ZNF140: variants seen among roughly 807,000 people sequenced by gnomAD.
The protein encoded by ZNF140 is zinc finger protein 140, also known as zinc finger protein 140 (clone pHZ-39).
Under a neutral mutation model 12.9 loss-of-function variants are expected in ZNF140, and 13 were observed. That is an observed-to-expected ratio of 1.01 (90% CI 0.66 to 1.60). The LOEUF is 1.60. Among genes scored for constraint, ZNF140 ranks in the 40% most tolerant of loss-of-function variants. ZNF140 has a pLI of 0.00. For missense variants in ZNF140, 531 were observed against 548.8 expected, an observed-to-expected ratio of 0.97 and a Z score of 0.32; for synonymous variants, 214 against 186.7, an observed-to-expected ratio of 1.15 and a Z score of -1.19.
rs762451010 is a variant in ZNF140, at chr12:133,106,702, G to A, written c.*51G>A. 21 of 1,452,150 alleles carry A rather than the reference G, an allele frequency of 1.4e-5. No individual in the cohort carries two copies. In the Admixed American group the frequency reaches 4.3e-4, roughly 30 times the overall value. 90.0% of individuals were successfully genotyped at this position (1,452,150 alleles called of 1,614,324 possible). A position where few individuals can be genotyped will look rare whatever the true frequency, so the allele number is the denominator to read the frequency against. ...AATGTATGGAATTTTTTAAAAAGAA[G>A]TATAATGCCTTACTTCAGAGAACTC... On this transcript the variant is annotated 3_prime_UTR_variant, in exon 5 of 5. Transcript: ENST00000355557.
At chr12:133,091,272 A>G (rs1050995534) in intron 4 of ZNF140, among the ~76,000 whole-genome samples, 42 of 150,760 alleles carry the variant, frequency 2.8e-4, no homozygotes, top group Admixed American at 1.4e-3. Flanking sequence ...GAGACTAGAG[A>G]ATGGCGATGA....
rs201164780 is a variant in ZNF140 at position 133,089,853 on chromosome 12, C to CTT, written c.232+6305_232+6306dup. 6.8e-4 allele frequency among the ~76,000 whole-genome samples: 94 copies of CTT among 138,532 alleles called. No homozygotes were observed. The Middle Eastern group carries it at 0.011, about 17-fold the overall frequency. The allele number at this position is 138,532 out of a possible 152,430, so 90.9% of individuals were successfully genotyped here. A position where few individuals can be genotyped will look rare whatever the true frequency, so the allele number is the denominator to read the frequency against. ...ATTGTAAATTTCATCAATATTTGTGCTTTTTTTTTTTTTTGAGACAGAGTT... is the reference window on the plus strand; with the variant it reads ...ATTGTAAATTTCATCAATATTTGTGCTTTTTTTTTTTTTTTTGAGACAGAGTT... On this transcript the variant is annotated intron_variant, in intron 4 of 4. Transcript: ENST00000355557.
intron 4 of ZNF140, among the ~76,000 whole-genome samples, chr12:133,097,850 T>TGTGTGTGTGTGTGTGTGTGTGTGC (rs1491441408): frequency 6.7e-6 from 1 of 150,268 alleles, no homozygotes; most frequent in Non-Finnish European, 1.5e-5. Flanking sequence ...TGTGTGTGTG[T>TGTGTGTGTGTGTGTGTGTGTGTGC]TTTTGAGATG....
At chr12:133,090,984 C>G (rs1954852270) in intron 4 of ZNF140, among the ~76,000 whole-genome samples, 1 of 148,648 alleles carries the variant, frequency 6.7e-6, no homozygotes, top group Non-Finnish European at 1.5e-5. Flanking sequence ...CAGAATTGAA[C>G]AAATGTACAA....
chr12:133,095,153 T>C lies in ZNF140; in HGVS notation c.233-10357T>C, dbSNP rs200492229. Among the ~76,000 whole-genome samples, 92 of 151,350 alleles carry C rather than the reference T, an allele frequency of 6.1e-4. 5 individuals carry two copies. Among genetic ancestry groups the C allele is most frequent in the African/African-American group, 2.0e-3 (83 of 40,930 alleles). ...GTTGCTTGTTTTAATTCTTTGCCAA[T>C]TTTTTCCCAATCTTTTAAATCTAAA... is the stretch of plus-strand genomic sequence containing the variant. On this transcript the variant is annotated intron_variant, in intron 4 of 4. Transcript: ENST00000355557.
intron 4 of ZNF140, among the ~76,000 whole-genome samples, chr12:133,089,727 G>GACATCTTT (rs1460644320): frequency 3.0e-4 from 45 of 152,092 alleles, no homozygotes; most frequent in African/African-American, 9.2e-4. Context: ...AATAATGTAT[G>GACATCTTT]ACATCTTTTT....
chr12:133,104,143 T>C (rs1319668780), intron 4 of ZNF140, among the ~76,000 whole-genome samples: 1 of 152,194 alleles, frequency 6.6e-6, no homozygotes, highest in African/African-American at 2.4e-5. Flanking sequence ...CAAATGCGTT[T>C]TTAGATGTTA....
At chr12:133,093,524 A>G (rs1424294820) in intron 4 of ZNF140, 1 of 695,906 alleles carries the variant, frequency 1.4e-6, no homozygotes, top group Admixed American at 2.0e-5. Flanking sequence ...CCAAACTGGA[A>G]GCTGATTTAT....
intron 4 of ZNF140, among the ~76,000 whole-genome samples, chr12:133,090,988 T>C (rs1307200377): frequency 2.0e-5 from 3 of 148,618 alleles, no homozygotes; most frequent in South Asian, 2.1e-4. Context: ...ATTGAACAAA[T>C]GTACAATCGG....
chr12:133,105,513 C>T lies in ZNF140; in HGVS notation c.236C>T (p.Ser79Leu). 4.4e-6 allele frequency: 7 copies of T among 1,578,642 alleles called. No homozygotes were observed. Among genetic ancestry groups the T allele is most frequent in the Non-Finnish European group, 6.0e-6 (7 of 1,165,620 alleles). ...REVKRDLFSV[S>L]ESSGEIKDFS... is the part of the protein sequence containing the mutation. ...CTTTTTTTTTGGTATCTTTCAGTTT[C>T]AGAGTCAAGTGGTGAGATCAAAGAC... Residue 79 changes from serine to leucine, a missense_variant, in exon 5 of 5, where the codon TCA (serine) becomes TTA (leucine). Coordinates refer to ENST00000355557, the MANE Select transcript of ZNF140 (RefSeq NM_003440.4).
chr12:133,104,642 C>T (rs998733372), intron 4 of ZNF140, among the ~76,000 whole-genome samples: 11 of 152,086 alleles, frequency 7.2e-5, no homozygotes, highest in South Asian at 4.1e-4. Flanking sequence ...TGAGCCACTG[C>T]GCCCGGCCAA....
At position 133,095,229 on chromosome 12, in the gene ZNF140, C is replaced by T. The variant is rs75845210; in HGVS notation, c.233-10281C>T. Among the ~76,000 whole-genome samples, 50 of 151,086 alleles carry T rather than the reference C, an allele frequency of 3.3e-4. 1 individual carries two copies. Among genetic ancestry groups the T allele is most frequent in the Non-Finnish European group, 4.7e-4 (32 of 67,836 alleles). ...AGAATTGTTCTATTGTTTGAAATAGCGTAATTAGATTTTCTGTAGAAGCTT... is the reference window on the plus strand; with the variant it reads ...AGAATTGTTCTATTGTTTGAAATAGTGTAATTAGATTTTCTGTAGAAGCTT... On this transcript the variant is annotated intron_variant, in intron 4 of 4. Transcript: ENST00000355557.
At chr12:133,082,617 G>A (rs1593738288) in intron 2 of ZNF140, 2 of 154,232 alleles carry the variant, frequency 1.3e-5, no homozygotes, top group Non-Finnish European at 2.9e-5. Flanking sequence ...AAGTTTCACA[G>A]GTATTTCTTT....
intron 4 of ZNF140, among the ~76,000 whole-genome samples, chr12:133,088,346 G>A (rs1954749473): frequency 6.6e-6 from 1 of 152,208 alleles, no homozygotes; most frequent in Non-Finnish European, 1.5e-5. Context: ...CAGAATGTCA[G>A]AGAGTTGGAA....
At chr12:133,104,094 A>G (rs1389845436) in intron 4 of ZNF140, among the ~76,000 whole-genome samples, 1 of 152,188 alleles carries the variant, frequency 6.6e-6, no homozygotes, top group Non-Finnish European at 1.5e-5. Context: ...AACAGATAAC[A>G]TTTTTCCCAA....
rs201405602 is a variant in ZNF140 at position 133,106,505 on chromosome 12, G to T, written c.1228G>T (p.Glu410Ter). Reference protein sequence around the residue: ...LILHQRTHTGEKPYVCKVCNK... With the variant: ...LILHQRTHTG ...TCTACATCAGAGAACTCATACTGGA[G>T]AGAAACCCTATGTATGTAAGGTATG... is the stretch of plus-strand genomic sequence containing the variant. The change falls in exon 5 of 5, where the codon GAG becomes TAG. Residue 410 changes from glutamate to a stop codon, truncating the protein, a stop_gained. Coordinates refer to ENST00000355557, the MANE Select transcript of ZNF140 (RefSeq NM_003440.4). LOFTEE classifies it low-confidence loss of function (END_TRUNC). 1.5e-5 allele frequency: 25 copies of T among 1,613,922 alleles called. No homozygotes were observed. Among genetic ancestry groups the T allele is most frequent in the Non-Finnish European group, 4.2e-6 (5 of 1,180,022 alleles).
chr12:133,095,943 C>T (rs973882313), intron 4 of ZNF140, among the ~76,000 whole-genome samples: 43 of 151,492 alleles, frequency 2.8e-4, no homozygotes, highest in African/African-American at 3.6e-4. Flanking sequence ...GGTTTTATAC[C>T]GAGACATTCA....
intron 4 of ZNF140, among the ~76,000 whole-genome samples, chr12:133,103,409 G>A (rs1289106792): frequency 1.3e-5 from 2 of 150,874 alleles, no homozygotes; most frequent in East Asian, 1.9e-4. Flanking sequence ...CAGATGCACA[G>A]TACCGTGCCT....
At chr12:133,092,313 C>T (rs1439602314) in intron 4 of ZNF140, among the ~76,000 whole-genome samples, 2 of 151,042 alleles carry the variant, frequency 1.3e-5, no homozygotes, top group Non-Finnish European at 2.9e-5. Flanking sequence ...CCCTCTCTTG[C>T]CCTCACTAAC....
Sources: gnomAD v4.1 joint callset for allele counts (sites outside exome capture counted in the v4.1 genomes callset) on GRCh38, gnomAD v4.1.1 for gene constraint, MANE v1.5 for transcripts, NCBI Gene and HGNC (gene_info 2026-07-23, HGNC 2026-07-21) for gene names.